KMT2E: variants seen among roughly 807,000 people sequenced by gnomAD.
KMT2E encodes the protein histone reader KMT2E.
KMT2E carries 30 observed loss-of-function variants against 184.6 expected under a neutral mutation model. That is an observed-to-expected ratio of 0.16 (90% CI 0.12 to 0.22). KMT2E has a LOEUF of 0.22. KMT2E is among the 10% of genes least tolerant of loss of function. KMT2E has a pLI of 1.00. For missense variants in KMT2E, 2,023 were observed against 2,237.4 expected, an observed-to-expected ratio of 0.90 and a Z score of 1.93; for synonymous variants, 815 against 776.5, an observed-to-expected ratio of 1.05 and a Z score of -0.82.
intron 15 of KMT2E, among the ~76,000 whole-genome samples, chr7:105,098,695 C>G (rs553306698): frequency 6.6e-6 from 1 of 152,120 alleles, no homozygotes; most frequent in Admixed American, 6.6e-5. Flanking sequence ...TAAACCACTG[C>G]GCCCAGCCTA....
At position 105,105,699 on chromosome 7, in the gene KMT2E, CT is replaced by C. The variant is rs1353507536; in HGVS notation, c.2451+10del. The C allele has an allele frequency of 6.3e-7, 1 of 1,592,860 alleles. No individual in the cohort carries two copies. The highest frequency in any genetic ancestry group is 1.4e-5 in the African/African-American group (1 of 73,612). On this transcript the variant is annotated splice_region_variant and intron_variant, in intron 18 of 26. Coordinates refer to ENST00000311117, the MANE Select transcript of KMT2E (RefSeq NM_182931.3). ...TTTCTGGTTCATGCAAGAAGGTAAACTTTTCTTTGGAAGTAAAAATGTAGAA... is the reference window on the plus strand; with the variant it reads ...TTTCTGGTTCATGCAAGAAGGTAAACTTTCTTTGGAAGTAAAAATGTAGAA...
intron 1 of KMT2E, among the ~76,000 whole-genome samples, chr7:105,025,449 C>T (rs1795139618): frequency 6.6e-6 from 1 of 152,082 alleles, no homozygotes. Context: ...CTATCATATG[C>T]TAAGGTGATC....
intron 8 of KMT2E, among the ~76,000 whole-genome samples, chr7:105,075,719 C>G (rs1797498960): frequency 6.6e-6 from 1 of 151,268 alleles, no homozygotes; most frequent in South Asian, 2.1e-4. Context: ...CTATGTTGCC[C>G]AGGCTGGAGT....
chr7:105,107,718 G>T lies in KMT2E; in HGVS notation c.3261G>T (p.Leu1087=). 1 of 1,614,174 alleles carries T rather than the reference G, an allele frequency of 6.2e-7. No homozygotes were observed. Residue 1087 remains leucine, a synonymous_variant, in exon 22 of 27, where the codon CTG becomes CTT. Transcript: ENST00000311117. Reference sequence around the variant, plus strand: ...CAGTGAACTCCAACTTGAGGGACCTGACACCCTCGCATCAGTTGGAGGTTG... The same window carrying T: ...CAGTGAACTCCAACTTGAGGGACCTTACACCCTCGCATCAGTTGGAGGTTG... The part of the protein sequence containing the change: ...NFSVNSNLRD[L]TPSHQLEVGG...
rs1799424289 is a variant in KMT2E at position 105,113,433 on chromosome 7, T to C, written c.*100T>C. 1 of 1,307,508 alleles carries C rather than the reference T, an allele frequency of 7.6e-7. No homozygotes were observed. Among genetic ancestry groups the C allele is most frequent in the Non-Finnish European group, 1.0e-6 (1 of 982,470 alleles). The allele number at this position is 1,307,508 out of a possible 1,614,324, so 81.0% of individuals were successfully genotyped here. A position where few individuals can be genotyped will look rare whatever the true frequency, so the allele number is the denominator to read the frequency against. On this transcript the variant is annotated 3_prime_UTR_variant, in exon 27 of 27. Coordinates refer to ENST00000311117, the MANE Select transcript of KMT2E (RefSeq NM_182931.3). Reference sequence around the variant, plus strand: ...TTTTTAAAGCTTGTACATGAACCTTTGTATAAAAAACACCAGTGCTCTTTC... The same window carrying C: ...TTTTTAAAGCTTGTACATGAACCTTCGTATAAAAAACACCAGTGCTCTTTC...
Position 105,114,218 on chromosome 7 carries a change from G to C in KMT2E, c.*885G>C, listed in dbSNP as rs540447502. ...TACCTCAGCAACAGGAGGCAGCAAG[G>C]GGCTGTTCCTGTGGTGGTTTCTGTT... On this transcript the variant is annotated 3_prime_UTR_variant, in exon 27 of 27. Coordinates refer to ENST00000311117, the MANE Select transcript of KMT2E (RefSeq NM_182931.3). The C allele has an allele frequency of 1.3e-5, 2 of 152,188 alleles. No homozygotes were observed. Among genetic ancestry groups the C allele is most frequent in the Non-Finnish European group, 2.9e-5 (2 of 68,026 alleles). The allele number at this position is 152,188 out of a possible 1,614,324, so 9.4% of individuals were successfully genotyped here.
intron 8 of KMT2E, 39 bp from the exon 9 acceptor site, chr7:105,076,003 GT>G (rs748325494): frequency 1.2e-5 from 18 of 1,500,024 alleles, no homozygotes; most frequent in Middle Eastern, 1.7e-4. Context: ...ATTATGTCCA[GT>G]TTTTTAGGAA....
intron 1 of KMT2E, among the ~76,000 whole-genome samples, chr7:105,025,430 G>C (rs945681183): frequency 6.6e-6 from 1 of 152,138 alleles, no homozygotes; most frequent in Non-Finnish European, 1.5e-5. Flanking sequence ...TGACTTCTGT[G>C]TGTAAGGTCT....
chr7:105,103,357 A>G (rs993273883), intron 17 of KMT2E: 3 of 152,204 alleles, frequency 2.0e-5, no homozygotes, highest in African/African-American at 7.2e-5. Flanking sequence ...TTGACAGAGT[A>G]CCAAATTATC....
chr7:105,096,788 T>C (rs752479450), intron 15 of KMT2E, among the ~76,000 whole-genome samples: 5 of 152,206 alleles, frequency 3.3e-5, no homozygotes, highest in Non-Finnish European at 7.3e-5. Context: ...GTTCAGGTAA[T>C]GGATGATCTG....
chr7:105,032,273 G>T (rs1255330688), intron 1 of KMT2E, among the ~76,000 whole-genome samples: 2 of 151,116 alleles, frequency 1.3e-5, no homozygotes, highest in Non-Finnish European at 3.0e-5. Flanking sequence ...GTGAAATGCT[G>T]TCTCTACTAA....
At chr7:105,034,468 G>T (rs984454383) in intron 1 of KMT2E, among the ~76,000 whole-genome samples, 1 of 152,058 alleles carries the variant, frequency 6.6e-6, no homozygotes, top group Non-Finnish European at 1.5e-5. Flanking sequence ...CTGGCCTCAC[G>T]TGATCCTTCT....
intron 2 of KMT2E, 90 bp from the exon 3 acceptor site, chr7:105,040,749 G>GA (rs1170570444): frequency 7.2e-4 from 266 of 369,720 alleles, no homozygotes; most frequent in African/African-American, 5.2e-3. Flanking sequence ...AATTTATATT[G>GA]AGATTTTAAT....
At chr7:105,025,876 T>A (rs1326942782) in intron 1 of KMT2E, among the ~76,000 whole-genome samples, 2 of 152,084 alleles carry the variant, frequency 1.3e-5, no homozygotes, top group East Asian at 3.8e-4. Context: ...AGGGAAAAAA[T>A]AGAAATCTAG....
At chr7:105,054,595 A>G (rs1391889454) in intron 3 of KMT2E, among the ~76,000 whole-genome samples, 2 of 151,430 alleles carry the variant, frequency 1.3e-5, no homozygotes, top group South Asian at 2.1e-4. Flanking sequence ...GCTCACTGCA[A>G]CCTCTGCTTC....
At chr7:105,020,179 G>T (rs1794891815) in intron 1 of KMT2E, among the ~76,000 whole-genome samples, 1 of 151,214 alleles carries the variant, frequency 6.6e-6, no homozygotes, top group South Asian at 2.1e-4. Flanking sequence ...TATTGAGAAA[G>T]ATGATATTGT....
chr7:105,063,329 A>C lies in KMT2E; in HGVS notation c.187-22A>C, dbSNP rs10226852. 4.9e-4 allele frequency: 728 copies of C among 1,477,904 alleles called. 3 individuals are homozygous for C. The African/African-American group carries it at 8.9e-3, about 18-fold the overall frequency. The allele number at this position is 1,477,904 out of a possible 1,614,324, so 91.5% of individuals were successfully genotyped here. On this transcript the variant is annotated intron_variant, in intron 4 of 26. Coordinates refer to ENST00000311117, the MANE Select transcript of KMT2E (RefSeq NM_182931.3). ...TGTTGAAATTAAATAATATTGTGCTATATTTGTGTTTAATTATTCAGGACC... is the reference window on the plus strand; with the variant it reads ...TGTTGAAATTAAATAATATTGTGCTCTATTTGTGTTTAATTATTCAGGACC...
chr7:105,078,970 T>C lies in KMT2E; in HGVS notation c.1248+7T>C. 6.5e-7 allele frequency: 1 copy of C among 1,540,478 alleles called. No homozygotes were observed. The highest frequency in any genetic ancestry group is 9.0e-7 in the Non-Finnish European group (1 of 1,113,856). On this transcript the variant is annotated splice_region_variant and intron_variant, in intron 12 of 26. Transcript: ENST00000311117. ...TTGTACACCCAATGCAGAGGTAAGC[T>C]TATAGAAATTTTTTGGGGAGATGTG...
At chr7:105,085,175 C>A (rs963882896) in intron 13 of KMT2E, among the ~76,000 whole-genome samples, 1 of 151,756 alleles carries the variant, frequency 6.6e-6, no homozygotes, top group Non-Finnish European at 1.5e-5. Context: ...GTGCACAGTT[C>A]AAACTTGTGT....
Sources: allele counts gnomAD v4.1 joint callset (sites outside exome capture counted in the v4.1 genomes callset), GRCh38; gene constraint gnomAD v4.1.1; transcripts MANE v1.5; gene names NCBI Gene and HGNC (gene_info 2026-07-23, HGNC 2026-07-21).